Variants in PEX6 observed in about 807,000 individuals in gnomAD.
PEX6 encodes peroxisomal biogenesis factor 6.
A neutral mutation model predicts 85.6 loss-of-function variants in PEX6; 55 were observed. The observed-to-expected ratio is 0.64, with a 90% CI of 0.52 to 0.80. The LOEUF (loss-of-function observed/expected upper bound fraction) is 0.80. Ranked by LOEUF, PEX6 falls within the 30% of genes least tolerant of loss-of-function variation. The probability of loss-of-function intolerance (pLI) is 0.00; values close to 1 mark genes in which losing one functional copy is unlikely to be tolerated. For synonymous variants in PEX6, 519 were observed against 549.1 expected (o/e 0.95, Z 0.77); for missense variants, 1,099 against 1,260.3 (o/e 0.87, Z 1.94).
intron 7 of PEX6, among the ~76,000 whole-genome samples, chr6:42,967,953 T>C (rs1769903235): frequency 6.7e-6 from 1 of 149,120 alleles, no homozygotes; most frequent in African/African-American, 2.5e-5. Flanking sequence ...CCCCCTTTTT[T>C]TTTTTTTTTT....
Position 42,965,466 on chromosome 6 carries a change from C to A in PEX6, c.2472-98G>T. ...CTTTACAGGCAGTCTCAACAGGGCC[C>A]TCCACTCAGCTGTGCCCAATGTGCC... On this transcript the variant is annotated intron_variant, in intron 13 of 16. Coordinates refer to ENST00000304611, the MANE Select transcript of PEX6 (RefSeq NM_000287.4). This position sits in a 1 kb window ranked among gnomAD's most constrained non-coding sequence, Gnocchi z 5.0. The A allele has an allele frequency of 9.9e-7, 1 of 1,011,274 alleles. No homozygotes were observed. Among genetic ancestry groups the A allele is most frequent in the Non-Finnish European group, 1.6e-6 (1 of 634,722 alleles). The allele number at this position is 1,011,274 out of a possible 1,614,324, so 62.6% of individuals were successfully genotyped here. A position where few individuals can be genotyped will look rare whatever the true frequency, so the allele number is the denominator to read the frequency against.
At position 42,964,311 on chromosome 6, in the gene PEX6, G is replaced by A. The variant is rs535268609; in HGVS notation, c.*24C>T. The A allele has an allele frequency of 2.3e-5, 37 of 1,612,984 alleles. No homozygotes were observed. The highest frequency in any genetic ancestry group is 9.9e-5 in the South Asian group (9 of 91,054). ...CAAGGTACCTGCAGCCATGCTGAGC[G>A]GGGTCCCAGACCCTGGGGGGCTCCT... On this transcript the variant is annotated 3_prime_UTR_variant, in exon 17 of 17. Transcript: ENST00000304611. The surrounding 1 kb of genome is among the most constrained non-coding windows in gnomAD (Gnocchi z 4.6).
rs200258260 is a variant in PEX6, at chr6:42,965,039, C to A, written c.2666+36G>T. 3 of 1,613,164 alleles carry A rather than the reference C, an allele frequency of 1.9e-6. No individual in the cohort carries two copies. The highest frequency in any genetic ancestry group is 2.5e-6 in the Non-Finnish European group (3 of 1,179,086). Reference sequence around the variant, plus strand: ...ATGCATCCCCTAAGCATCCCAAGGCCCAAGCCCTTCGCAGTCTTCCTCTAA... The same window carrying A: ...ATGCATCCCCTAAGCATCCCAAGGCACAAGCCCTTCGCAGTCTTCCTCTAA... On this transcript the variant is annotated intron_variant, in intron 15 of 16. Coordinates refer to ENST00000304611, the MANE Select transcript of PEX6 (RefSeq NM_000287.4). This position sits in a 1 kb window ranked among gnomAD's most constrained non-coding sequence, Gnocchi z 5.0.
chr6:42,968,354 C>A lies in PEX6; in HGVS notation c.1624G>T (p.Gly542Cys). Residue 542 changes from glycine to cysteine, a missense_variant, in exon 7 of 17, where the codon GGT becomes TGT. Physicochemically the swap from Gly to Cys is radical, Grantham distance 159. Around this residue, in one of 3 missense-constraint regions of PEX6, gnomAD observed 514 missense variants for 627.0 expected, o/e 0.82. Transcript: ENST00000304611. ...DLLGRDRDGL[G>C]EDARVMAVLR... ...ACAGCCATCACACGGGCATCCTCAC[C>A]CAGCCCATCACGGTCCCGGCCCAGA... The A allele has an allele frequency of 6.2e-7, 1 of 1,614,186 alleles. No individual in the cohort carries two copies.
chr6:42,973,950 C>T, intron 3 of PEX6, 53 bp downstream of exon 3: 4 of 1,211,968 alleles, frequency 3.3e-6, no homozygotes, highest in Non-Finnish European at 4.9e-6. Context: ...GATTGTAGAA[C>T]TCATGCACCC....
At chr6:42,975,386 A>G (rs1770246698) in intron 1 of PEX6, among the ~76,000 whole-genome samples, 1 of 152,212 alleles carries the variant, frequency 6.6e-6, no homozygotes, top group African/African-American at 2.4e-5. Context: ...TTAAGTGGTC[A>G]TTAGTGGGGA....
intron 3 of PEX6, among the ~76,000 whole-genome samples, chr6:42,970,868 C>T (rs949893436): frequency 1.3e-5 from 2 of 152,152 alleles, no homozygotes; most frequent in South Asian, 2.1e-4. Flanking sequence ...AATTCTGATG[C>T]ATAACCAGGG....
Position 42,966,326 on chromosome 6 carries a change from C to T in PEX6, c.2216G>A (p.Gly739Asp). 1 of 1,613,468 alleles carries T rather than the reference C, an allele frequency of 6.2e-7. No homozygotes were observed. The highest frequency in any genetic ancestry group is 8.5e-7 in the Non-Finnish European group (1 of 1,179,998). ...GCCAGGGGGCCCATGGAGCAGAAGGCCTGAGCGTCTCAGGCCCAGGCTCAG... is the reference window on the plus strand; with the variant it reads ...GCCAGGGGGCCCATGGAGCAGAAGGTCTGAGCGTCTCAGGCCCAGGCTCAG... ...ELLSLGLRRSGLLLHGPPGTG... is the reference protein window; with the variant it reads ...ELLSLGLRRSDLLLHGPPGTG... The change falls in exon 11 of 17, where the codon GGC becomes GAC. Residue 739 changes from glycine (G) to aspartate (D), a missense_variant. Gly to Asp is a moderately conservative substitution (Grantham distance 94, BLOSUM62 -1). Coordinates refer to ENST00000304611, the MANE Select transcript of PEX6 (RefSeq NM_000287.4).
At chr6:42,976,323 A>C (rs1770298675) in intron 1 of PEX6, among the ~76,000 whole-genome samples, 1 of 152,142 alleles carries the variant, frequency 6.6e-6, no homozygotes, top group Non-Finnish European at 1.5e-5. Flanking sequence ...TAGGTCCTTA[A>C]TTAAACACTA....
intron 3 of PEX6, among the ~76,000 whole-genome samples, chr6:42,970,928 C>T (rs1244714838): frequency 6.6e-6 from 1 of 152,188 alleles, no homozygotes; most frequent in Non-Finnish European, 1.5e-5. Context: ...ATTCAACCTA[C>T]TAACGGGGAA....
intron 3 of PEX6, among the ~76,000 whole-genome samples, chr6:42,972,292 AT>A (rs2150233556): frequency 6.6e-6 from 1 of 152,028 alleles, no homozygotes; most frequent in South Asian, 2.1e-4. Context: ...AGAGCTATAC[AT>A]TTTCCTCCCT....
intron 2 of PEX6, 42 bp downstream of exon 2, chr6:42,974,833 G>A (rs1016892174): frequency 1.3e-6 from 2 of 1,564,456 alleles, no homozygotes; most frequent in Non-Finnish European, 1.8e-6. Context: ...GGAATGTAAT[G>A]AGGGTGAGAA....
Position 42,965,124 on chromosome 6 carries a change from T to G in PEX6, c.2617A>C (p.Asn873His). 6.2e-7 allele frequency: 1 copy of G among 1,614,208 alleles called. No homozygotes were observed. The highest frequency in any genetic ancestry group is 8.5e-7 in the Non-Finnish European group (1 of 1,180,020). ...CGTAGCTGGGAGGCCCGGTCCTCAT[T>G]TGCCCCCACAAACACCAGCTTGTCA... ...RFDKLVFVGA[N>H]EDRASQLRVL... The change falls in exon 15 of 17, where the codon AAT becomes CAT. Residue 873 changes from asparagine to histidine, a missense_variant. Around this residue, in one of 3 missense-constraint regions of PEX6, gnomAD observed 514 missense variants for 627.0 expected, o/e 0.82. Coordinates refer to ENST00000304611, the MANE Select transcript of PEX6 (RefSeq NM_000287.4). The surrounding 1 kb of genome is among the most constrained non-coding windows in gnomAD (Gnocchi z 5.0).
Position 42,966,810 on chromosome 6 carries a change from C to T in PEX6, c.1933G>A (p.Ala645Thr), listed in dbSNP as rs1236955218. The T allele has an allele frequency of 6.2e-7, 1 of 1,613,852 alleles. No homozygotes were observed. The highest frequency in any genetic ancestry group is 1.1e-5 in the South Asian group (1 of 91,076). The change falls in exon 9 of 17, where the codon GCA becomes ACA. Residue 645 changes from alanine to threonine, a missense_variant. Around this residue, in one of 3 missense-constraint regions of PEX6, gnomAD observed 514 missense variants for 627.0 expected, o/e 0.82. Transcript: ENST00000304611. Reference protein sequence around the residue: ...LYALLTHSSRAACTRIKNSGL... With the variant: ...LYALLTHSSRTACTRIKNSGL... ...GAGTTCTTGATCCTGGTGCAGGCTG[C>T]CCGGCTGCTGTGGGTCAGAAGGGCA...
At chr6:42,967,048 C>T (rs2114241694) in intron 8 of PEX6, among the ~76,000 whole-genome samples, 190 bp from the exon 9 acceptor site, 1 of 150,194 alleles carries the variant, frequency 6.7e-6, no homozygotes, top group Middle Eastern at 3.4e-3. Flanking sequence ...TCTCGGCTCA[C>T]CGCAACTTCC....
chr6:42,966,174 C>T, intron 11 of PEX6, 68 bp downstream of exon 11: 2 of 1,609,250 alleles, frequency 1.2e-6, no homozygotes, highest in African/African-American at 2.7e-5. Context: ...TCTTGGGCAG[C>T]CCCTCCTGCT....
chr6:42,966,899 A>G, intron 8 of PEX6, 41 bp from the exon 9 acceptor site: 1 of 1,529,722 alleles, frequency 6.5e-7, no homozygotes, highest in Non-Finnish European at 9.0e-7. Flanking sequence ...AGGGCACAGT[A>G]GGCAGGAACC....
chr6:42,977,199 A>T (rs112229220), intron 1 of PEX6, among the ~76,000 whole-genome samples: 19 of 151,958 alleles, frequency 1.3e-4, no homozygotes, highest in African/African-American at 4.1e-4. Context: ...CATTGTAGCA[A>T]TTCAATAAAC....
chr6:42,978,330 G>A lies in PEX6; in HGVS notation c.821C>T (p.Pro274Leu), dbSNP rs61753219. 123 of 1,614,108 alleles carry A rather than the reference G, an allele frequency of 7.6e-5. No homozygotes were observed. The highest frequency in any genetic ancestry group is 9.7e-5 in the Non-Finnish European group (114 of 1,180,052). Reference protein sequence around the residue: ...EPLADGLALVPATLAFNLGCD... With the variant: ...EPLADGLALVLATLAFNLGCD... ...GCCAAGATTAAAAGCCAAAGTGGCAGGGACAAGCGCCAGTCCGTCAGCGAG... is the reference window on the plus strand; with the variant it reads ...GCCAAGATTAAAAGCCAAAGTGGCAAGGACAAGCGCCAGTCCGTCAGCGAG... Residue 274 changes from proline to leucine, a missense_variant, in exon 1 of 17, where the codon CCT (proline) becomes CTT (leucine). Physicochemically the swap from Pro to Leu is moderately conservative, Grantham distance 98 (BLOSUM62 -3). Around this residue, in one of 3 missense-constraint regions of PEX6, gnomAD observed 579 missense variants for 611.6 expected, o/e 0.95. Transcript: ENST00000304611.
Sources: allele counts gnomAD v4.1 joint callset (sites outside exome capture counted in the v4.1 genomes callset), GRCh38; gene constraint gnomAD v4.1.1; regional missense constraint gnomAD v4.1.1; non-coding constraint Gnocchi (gnomAD v3.1); transcripts MANE v1.5; gene names NCBI Gene and HGNC (gene_info 2026-07-23, HGNC 2026-07-21).